PLSCR4: variants seen among roughly 807,000 people sequenced by gnomAD.
PLSCR4 encodes the protein phospholipid scramblase 4.
A neutral mutation model predicts 36.3 loss-of-function variants in PLSCR4; 25 were observed. That is an observed-to-expected ratio of 0.69 (90% CI 0.50 to 0.96). The LOEUF (loss-of-function observed/expected upper bound fraction) is 0.96, where lower values mean the gene tolerates loss of function less well. Among genes scored for constraint, PLSCR4 ranks in the 40% least tolerant of loss-of-function variants. The pLI is 0.00. For synonymous variants in PLSCR4, 122 were observed against 132.9 expected (o/e 0.92, Z 0.56); for missense variants, 408 against 414.7 (o/e 0.98, Z 0.14).
intron 3 of PLSCR4, among the ~76,000 whole-genome samples, chr3:146,219,105 C>A (rs751202440): frequency 1.3e-5 from 2 of 152,098 alleles, no homozygotes; most frequent in Non-Finnish European, 1.5e-5. Context: ...GCGATCAGAG[C>A]GAAATTTTGC....
intron 3 of PLSCR4, among the ~76,000 whole-genome samples, chr3:146,213,867 TAAAA>T (rs2034756396): frequency 6.6e-6 from 1 of 152,180 alleles, no homozygotes; most frequent in African/African-American, 2.4e-5. Context: ...TTCTCTATGG[TAAAA>T]GCCTCACTTT....
chr3:146,208,067 G>A (rs991306779), intron 3 of PLSCR4, among the ~76,000 whole-genome samples: 3 of 152,032 alleles, frequency 2.0e-5, no homozygotes, highest in African/African-American at 7.2e-5. Flanking sequence ...AAACAAGATG[G>A]TACTGGTATA....
At chr3:146,231,704 G>A (rs1394985178) in intron 1 of PLSCR4, among the ~76,000 whole-genome samples, 1 of 151,828 alleles carries the variant, frequency 6.6e-6, no homozygotes, top group Non-Finnish European at 1.5e-5. Context: ...TTTTTAATGG[G>A]GTTGTTTTTC....
intron 4 of PLSCR4, among the ~76,000 whole-genome samples, chr3:146,202,248 A>G (rs55681298): frequency 0.051 from 7,783 of 152,080 alleles, 611 homozygotes; most frequent in African/African-American, 0.17. Context: ...CTAGAAGTGA[A>G]AAGTAAAAAT....
At chr3:146,233,214 TC>T (rs2035789455) in intron 1 of PLSCR4, among the ~76,000 whole-genome samples, 1 of 152,112 alleles carries the variant, frequency 6.6e-6, no homozygotes, top group Admixed American at 6.6e-5. Context: ...AAAATATAAT[TC>T]TCTCGGCCAC....
At chr3:146,241,979 A>G (rs968825385) in intron 1 of PLSCR4, among the ~76,000 whole-genome samples, 1 of 152,176 alleles carries the variant, frequency 6.6e-6, no homozygotes, top group Non-Finnish European at 1.5e-5. Context: ...CTGCAACTTG[A>G]TTTGAGGTTG....
At position 146,194,445 on chromosome 3, in the gene PLSCR4, T is replaced by C; in HGVS notation, c.956A>G (p.Tyr319Cys). ...FGACFLIDFM[Y>C]FERSPPQRSR Reference sequence around the variant, plus strand: ...ACGTTGTGGTGGAGATCTTTCAAAATACATGAAGTCCTGAAATTGGAAAAA... The same window carrying C: ...ACGTTGTGGTGGAGATCTTTCAAAACACATGAAGTCCTGAAATTGGAAAAA... The change falls in exon 9 of 9, where the codon TAT becomes TGT. Residue 319 changes from tyrosine to cysteine, a missense_variant. Physicochemically the swap from Tyr to Cys is radical, Grantham distance 194. Coordinates refer to ENST00000354952, the MANE Select transcript of PLSCR4 (RefSeq NM_020353.3). 1 of 1,597,058 alleles carries C rather than the reference T, an allele frequency of 6.3e-7. No individual in the cohort carries two copies. The highest frequency in any genetic ancestry group is 8.6e-7 in the Non-Finnish European group (1 of 1,164,834).
At chr3:146,230,579 A>AT (rs1312790228) in intron 1 of PLSCR4, among the ~76,000 whole-genome samples, 3 of 152,138 alleles carry the variant, frequency 2.0e-5, no homozygotes, top group African/African-American at 7.2e-5. Flanking sequence ...AGGAAATACT[A>AT]TTGTCTCTTT....
chr3:146,248,362 T>G (rs2036423233), intron 1 of PLSCR4, among the ~76,000 whole-genome samples: 1 of 152,202 alleles, frequency 6.6e-6, no homozygotes. Context: ...TATAGAAATG[T>G]GTAAAACAAC....
rs573610133 is a variant in PLSCR4 at position 146,220,834 on chromosome 3, G to A, written c.99C>T (p.Tyr33=). 5.6e-6 allele frequency: 9 copies of A among 1,607,088 alleles called. No individual in the cohort carries two copies. The highest frequency in any genetic ancestry group is 4.0e-5 in the African/African-American group (3 of 74,840). Residue 33 remains tyrosine, a synonymous_variant, in exon 3 of 9, where the codon TAC becomes TAT. Coordinates refer to ENST00000354952, the MANE Select transcript of PLSCR4 (RefSeq NM_020353.3). ...PDPRPDAPPE[Y]NSHFLPGPPG... is the part of the protein sequence containing the mutation. ...ACCCACCTGGTAAAAAATGAGAATT[G>A]TATTCAGGAGGAGCATCAGGCCTTG... is the stretch of plus-strand genomic sequence containing the variant.
At chr3:146,220,714 C>T in intron 3 of PLSCR4, 101 bp downstream of exon 3, 1 of 729,488 alleles carries the variant, frequency 1.4e-6, no homozygotes, top group South Asian at 1.6e-5. Context: ...TATTTATTTA[C>T]TTATTAAATC....
Position 146,239,702 on chromosome 3 carries a change from G to A in PLSCR4, c.-22+11258C>T, listed in dbSNP as rs551701093. ...AGTTCGAGACCAGCCTGACCAACAC[G>A]GAGAAACCCCACTTCTACTAAAAAT... On this transcript the variant is annotated intron_variant, in intron 1 of 8. Transcript: ENST00000354952. Among the ~76,000 whole-genome samples the A allele has an allele frequency of 4.3e-4, 66 of 151,954 alleles. No individual in the cohort carries two copies. In the South Asian group the frequency reaches 0.013, roughly 30 times the overall value.
At chr3:146,196,927 T>G in intron 6 of PLSCR4, 134 bp from the exon 7 acceptor site, 1 of 743,698 alleles carries the variant, frequency 1.3e-6, no homozygotes, top group African/African-American at 1.7e-5. Flanking sequence ...GTGACAGCCT[T>G]CCATCTCACC....
At position 146,192,631 on chromosome 3, in the gene PLSCR4, G is replaced by C. The variant is rs1217986296; in HGVS notation, c.*1780C>G. The C allele has an allele frequency of 1.3e-5, 2 of 151,694 alleles. No individual in the cohort carries two copies. Among genetic ancestry groups the C allele is most frequent in the Non-Finnish European group, 2.9e-5 (2 of 67,894 alleles). The allele number at this position is 151,694 out of a possible 1,614,324, so 9.4% of individuals were successfully genotyped here. A position where few individuals can be genotyped will look rare whatever the true frequency, so the allele number is the denominator to read the frequency against. ...ATTTATTATGATGCAGCAGGTTTTG[G>C]AATACAGGGATTTAGGCAAGTTAAA... On this transcript the variant is annotated 3_prime_UTR_variant, in exon 9 of 9. Transcript: ENST00000354952.
chr3:146,222,117 C>T (rs1336600189), intron 1 of PLSCR4, 25 bp from the exon 2 acceptor site: 2 of 907,120 alleles, frequency 2.2e-6, no homozygotes, highest in South Asian at 2.1e-5. Context: ...ATGTTAATGC[C>T]TTTAAAATAC....
intron 3 of PLSCR4, among the ~76,000 whole-genome samples, chr3:146,216,406 T>A (rs2034891688): frequency 6.6e-6 from 1 of 151,872 alleles, no homozygotes; most frequent in African/African-American, 2.4e-5. Context: ...TGGAAGAAAG[T>A]CCTGTTAGAG....
At chr3:146,233,446 G>A (rs1414353802) in intron 1 of PLSCR4, among the ~76,000 whole-genome samples, 6 of 151,984 alleles carry the variant, frequency 3.9e-5, no homozygotes, top group African/African-American at 1.5e-4. Context: ...ACGGAAAATG[G>A]GGATTCTTAT....
At chr3:146,246,054 CTT>C (rs1321896541) in intron 1 of PLSCR4, among the ~76,000 whole-genome samples, 1 of 152,038 alleles carries the variant, frequency 6.6e-6, no homozygotes, top group Non-Finnish European at 1.5e-5. Flanking sequence ...ATCTTGTAAA[CTT>C]AGTAAGTTTC....
At position 146,194,430 on chromosome 3, in the gene PLSCR4, G is replaced by A. The variant is rs770018513; in HGVS notation, c.971C>T (p.Pro324Leu). ...LIDFMYFERS[P>L]PQRSR ...GTCTCTCTATCTTGAACGTTGTGGT[G>A]GAGATCTTTCAAAATACATGAAGTC... Residue 324 changes from proline to leucine, a missense_variant, in exon 9 of 9, where the codon CCA becomes CTA. Coordinates refer to ENST00000354952, the MANE Select transcript of PLSCR4 (RefSeq NM_020353.3). 1.2e-6 allele frequency: 2 copies of A among 1,606,928 alleles called. No homozygotes were observed. The highest frequency in any genetic ancestry group is 1.7e-6 in the Non-Finnish European group (2 of 1,173,742).
Sources: gnomAD v4.1 joint callset for allele counts (sites outside exome capture counted in the v4.1 genomes callset) on GRCh38, gnomAD v4.1.1 for gene constraint, MANE v1.5 for transcripts, NCBI Gene and HGNC (gene_info 2026-07-23, HGNC 2026-07-21) for gene names.